Variants in EPHA4 observed in about 807,000 individuals in gnomAD.
The protein encoded by EPHA4 is EPH receptor A4.
EPHA4 carries 19 observed loss-of-function variants against 108.3 expected under a neutral mutation model. That is an observed-to-expected ratio of 0.18 (90% CI 0.12 to 0.26). EPHA4 has a LOEUF of 0.26. Among genes scored for constraint, EPHA4 ranks in the 10% least tolerant of loss-of-function variants. The pLI, the probability that EPHA4 is intolerant of heterozygous loss-of-function variation, is 1.00. For synonymous variants in EPHA4, 449 were observed against 455.5 expected (o/e 0.99, Z 0.18); for missense variants, 917 against 1,254.0 (o/e 0.73, Z 4.06).
chr2:221,436,144 A>C (rs1414942480), intron 13 of EPHA4, among the ~76,000 whole-genome samples: 1 of 152,150 alleles, frequency 6.6e-6, no homozygotes, highest in Non-Finnish European at 1.5e-5. Flanking sequence ...CCCTCCCAAA[A>C]AAAAACATAG....
Position 221,440,434 on chromosome 2 carries a change from G to T in EPHA4, c.2074+2395C>A, listed in dbSNP as rs58087069. Among the ~76,000 whole-genome samples, 763 of 152,200 alleles carry T rather than the reference G, an allele frequency of 5.0e-3. 8 individuals are homozygous for T. Among genetic ancestry groups the T allele is most frequent in the African/African-American group, 0.017 (718 of 41,516 alleles). ...AACGGACCTGCAAAAGTATTTAAAG[G>T]GAATGTTATCTTTTAATTAAAGTAG... On this transcript the variant is annotated intron_variant, in intron 11 of 17. Coordinates refer to ENST00000281821, the MANE Select transcript of EPHA4 (RefSeq NM_004438.5).
chr2:221,424,605 G>A (rs1320557706), intron 17 of EPHA4, among the ~76,000 whole-genome samples: 2 of 152,162 alleles, frequency 1.3e-5, no homozygotes, highest in Non-Finnish European at 2.9e-5. Context: ...GTTTATGGAT[G>A]AGCAGTGCAT....
intron 3 of EPHA4, among the ~76,000 whole-genome samples, chr2:221,561,296 T>G (rs16862827): frequency 0.099 from 15,136 of 152,226 alleles, 1,140 homozygotes; most frequent in East Asian, 0.37. Flanking sequence ...CTTGGAATCC[T>G]TTGTCATTCA....
intron 3 of EPHA4, among the ~76,000 whole-genome samples, chr2:221,563,010 C>T (rs1032984418): frequency 6.6e-6 from 1 of 152,050 alleles, no homozygotes; most frequent in Non-Finnish European, 1.5e-5. Context: ...GAAATCAATA[C>T]CAAATTGGGT....
intron 4 of EPHA4, among the ~76,000 whole-genome samples, chr2:221,490,877 GT>G (rs1180935201): frequency 6.6e-6 from 1 of 152,208 alleles, no homozygotes. Flanking sequence ...AAAGATGGCT[GT>G]TTTAAAGACA....
At chr2:221,521,046 C>T (rs1693150603) in intron 3 of EPHA4, among the ~76,000 whole-genome samples, 1 of 152,172 alleles carries the variant, frequency 6.6e-6, no homozygotes, top group Non-Finnish European at 1.5e-5. Context: ...TTTAAAACTA[C>T]TTTTTGAAGA....
At position 221,456,917 on chromosome 2, in the gene EPHA4, T is replaced by C. The variant is rs900302237; in HGVS notation, c.1444-145A>G. 1.2e-5 allele frequency: 10 copies of C among 803,778 alleles called. No homozygotes were observed. The African/African-American group carries it at 1.7e-4, about 14-fold the overall frequency. The allele number at this position is 803,778 out of a possible 1,614,324, so 49.8% of individuals were successfully genotyped here. The stretch of plus-strand genomic sequence containing the variant: ...AATAAACTCTCTGGAGCCTGTATTC[T>C]CTTGGATGTTATAAGTACTATTGTT... On this transcript the variant is annotated intron_variant, in intron 6 of 17. Transcript: ENST00000281821.
chr2:221,536,464 G>A (rs1024006508), intron 3 of EPHA4, among the ~76,000 whole-genome samples: 6 of 152,120 alleles, frequency 3.9e-5, no homozygotes, highest in African/African-American at 9.7e-5. Context: ...TGGCATTCTT[G>A]AAAGATGTTT....
At chr2:221,516,504 G>A (rs572364941) in intron 3 of EPHA4, among the ~76,000 whole-genome samples, 4 of 152,070 alleles carry the variant, frequency 2.6e-5, no homozygotes, top group South Asian at 2.1e-4. Flanking sequence ...AGAGGCGTCC[G>A]CCGCGACCCC....
chr2:221,545,464 A>G (rs2710492), intron 3 of EPHA4, among the ~76,000 whole-genome samples: 89,406 of 151,376 alleles, frequency 0.59, 27,152 homozygotes, highest in African/African-American at 0.75. Flanking sequence ...GCAAGACTCC[A>G]TCTTAAAAAA....
At chr2:221,432,818 ATTTTT>A (rs34200694) in intron 14 of EPHA4, among the ~76,000 whole-genome samples, 1,686 of 89,082 alleles carry the variant, frequency 0.019, 31 homozygotes, top group African/African-American at 0.068. Flanking sequence ...AAATCTTTGT[ATTTTT>A]TTTTTTTTTT....
intron 8 of EPHA4, among the ~76,000 whole-genome samples, chr2:221,452,133 A>T (rs1462013619): frequency 6.6e-6 from 1 of 152,246 alleles, no homozygotes; most frequent in Non-Finnish European, 1.5e-5. Flanking sequence ...GTTTCTGTCC[A>T]TTGACTTCCT....
intron 17 of EPHA4, among the ~76,000 whole-genome samples, chr2:221,421,623 A>C (rs951169311): frequency 6.6e-6 from 1 of 152,204 alleles, no homozygotes; most frequent in Non-Finnish European, 1.5e-5. Flanking sequence ...ATGGCTCCTC[A>C]TTGTCCATAT....
intron 3 of EPHA4, among the ~76,000 whole-genome samples, chr2:221,527,588 G>C (rs560579870): frequency 6.6e-6 from 1 of 152,140 alleles, no homozygotes; most frequent in South Asian, 2.1e-4. Context: ...GAGGTCCACC[G>C]GGGTCTGCCC....
intron 5 of EPHA4, among the ~76,000 whole-genome samples, chr2:221,468,009 GCAA>G (rs1263752255): frequency 2.0e-5 from 3 of 152,136 alleles, no homozygotes; most frequent in African/African-American, 4.8e-5. Flanking sequence ...GGTGAAACTA[GCAA>G]CAACAACAAA....
intron 8 of EPHA4, among the ~76,000 whole-genome samples, chr2:221,455,021 C>G (rs1290530742): frequency 2.0e-5 from 3 of 152,264 alleles, no homozygotes; most frequent in Middle Eastern, 3.4e-3. Context: ...TACTGTTAAC[C>G]AAAATCATGC....
At chr2:221,536,432 T>TA (rs1351444679) in intron 3 of EPHA4, among the ~76,000 whole-genome samples, 7 of 152,212 alleles carry the variant, frequency 4.6e-5, no homozygotes, top group African/African-American at 1.4e-4. Flanking sequence ...TTACCGGCCT[T>TA]ACGATGCTCT....
chr2:221,504,580 C>G (rs1044684383), intron 3 of EPHA4, among the ~76,000 whole-genome samples: 1 of 149,988 alleles, frequency 6.7e-6, no homozygotes, highest in African/African-American at 2.5e-5. Flanking sequence ...TGTCATTTTT[C>G]TGCTTTTTAA....
chr2:221,558,118 A>G (rs1389070609), intron 3 of EPHA4, among the ~76,000 whole-genome samples: 1 of 152,250 alleles, frequency 6.6e-6, no homozygotes, highest in Admixed American at 6.5e-5. Context: ...TCTAATATAC[A>G]GCGATATCTA....
Sources: gnomAD v4.1 joint callset for allele counts (sites outside exome capture counted in the v4.1 genomes callset) on GRCh38, gnomAD v4.1.1 for gene constraint, MANE v1.5 for transcripts, NCBI Gene and HGNC (gene_info 2026-07-23, HGNC 2026-07-21) for gene names.